Variants in CEP128 observed in about 807,000 individuals in gnomAD.
CEP128 encodes centrosomal protein 128, also known as centrosomal protein 128kDa.
In CEP128, 132 loss-of-function variants were observed where a neutral mutation model predicts 156.7. The ratio of observed to expected loss-of-function variants is 0.84; its 90% confidence interval spans 0.73 to 0.97. The LOEUF is 0.97. Among genes scored for constraint, CEP128 ranks in the 50% least tolerant of loss-of-function variants. The probability of loss-of-function intolerance (pLI) is 0.00; values close to 1 mark genes in which losing one functional copy is unlikely to be tolerated. For missense variants in CEP128, 1,252 were observed against 1,281.9 expected (o/e 0.98, Z 0.36); for synonymous variants, 469 against 448.9 (o/e 1.04, Z -0.57).
chr14:80,593,132 A>T (rs1044209555), intron 19 of CEP128, among the ~76,000 whole-genome samples: 8 of 152,206 alleles, frequency 5.3e-5, no homozygotes, highest in African/African-American at 1.9e-4. Flanking sequence ...TCAACATAGT[A>T]TTGGAAGTTC....
At chr14:80,933,258 C>T (rs1357011156) in intron 2 of CEP128, among the ~76,000 whole-genome samples, 2 of 152,162 alleles carry the variant, frequency 1.3e-5, no homozygotes, top group African/African-American at 2.4e-5. Flanking sequence ...TCCCCAGCAA[C>T]TGTGGATCAG....
chr14:80,909,592 C>G (rs532487269), intron 4 of CEP128, among the ~76,000 whole-genome samples: 1 of 152,024 alleles, frequency 6.6e-6, no homozygotes, highest in African/African-American at 2.4e-5. Flanking sequence ...AATAAAATTA[C>G]GTTATGTAAA....
intron 21 of CEP128, among the ~76,000 whole-genome samples, chr14:80,545,117 T>C (rs900792391): frequency 3.4e-4 from 52 of 152,322 alleles, no homozygotes; most frequent in African/African-American, 1.1e-3. Flanking sequence ...TTCTCCTCCC[T>C]GTGAGCCTAC....
At chr14:80,489,833 C>T (rs1887263195), downstream of CEP128, among the ~76,000 whole-genome samples, 1 of 151,388 alleles carries the variant, frequency 6.6e-6, no homozygotes, top group Non-Finnish European at 1.5e-5. Flanking sequence ...TTACCACCTC[C>T]TGACCAGGGT....
At chr14:80,613,143 A>G (rs1027460916) in intron 19 of CEP128, among the ~76,000 whole-genome samples, 6 of 151,278 alleles carry the variant, frequency 4.0e-5, no homozygotes, top group African/African-American at 1.5e-4. Flanking sequence ...GGAATGAGCC[A>G]CCACGCCCGG....
chr14:80,562,607 C>T (rs1489441807), intron 20 of CEP128, among the ~76,000 whole-genome samples: 1 of 149,090 alleles, frequency 6.7e-6, no homozygotes, highest in Non-Finnish European at 1.5e-5. Flanking sequence ...TACTGTGTAT[C>T]ATTATTCTCA....
intron 22 of CEP128, among the ~76,000 whole-genome samples, chr14:80,527,730 C>G (rs899865556): frequency 6.6e-6 from 1 of 152,168 alleles, no homozygotes; most frequent in African/African-American, 2.4e-5. Context: ...TTTTACTTCA[C>G]TTATCCATAA....
chr14:80,726,793 G>T (rs1458726262), intron 19 of CEP128, among the ~76,000 whole-genome samples: 1 of 152,048 alleles, frequency 6.6e-6, no homozygotes, highest in Admixed American at 6.6e-5. Flanking sequence ...CAAGGAAAAA[G>T]AATTTTAAAA....
chr14:80,932,784 C>T (rs8007137), intron 2 of CEP128, among the ~76,000 whole-genome samples: 2 of 152,100 alleles, frequency 1.3e-5, no homozygotes, highest in Non-Finnish European at 2.9e-5. Flanking sequence ...CATCCCAAAA[C>T]CATCCTTCTC....
At chr14:80,534,702 G>A (rs1212446157) in intron 21 of CEP128, among the ~76,000 whole-genome samples, 1 of 151,898 alleles carries the variant, frequency 6.6e-6, no homozygotes. Flanking sequence ...GCGGGCACCT[G>A]TAGTCCCAGC....
intron 14 of CEP128, among the ~76,000 whole-genome samples, chr14:80,787,445 C>T (rs1196030422): frequency 1.3e-5 from 2 of 152,042 alleles, no homozygotes; most frequent in African/African-American, 4.8e-5. Flanking sequence ...CTGACGTCCC[C>T]TTCTCTCAAT....
At chr14:80,828,185 G>A (rs1470726139) in intron 13 of CEP128, among the ~76,000 whole-genome samples, 31 of 145,414 alleles carry the variant, frequency 2.1e-4, no homozygotes, top group African/African-American at 8.0e-4. Context: ...GTGCAGTGGT[G>A]CGATCTCGGC....
At chr14:80,884,177 C>G (rs1433514886) in intron 8 of CEP128, among the ~76,000 whole-genome samples, 1 of 152,142 alleles carries the variant, frequency 6.6e-6, no homozygotes, top group Non-Finnish European at 1.5e-5. Flanking sequence ...GCAAAGATTT[C>G]TTGAGTAATA....
intron 19 of CEP128, among the ~76,000 whole-genome samples, chr14:80,677,307 C>T (rs922788808): frequency 6.6e-6 from 1 of 151,920 alleles, no homozygotes; most frequent in African/African-American, 2.4e-5. Context: ...GTTAGGAGTT[C>T]AAGACCAGCC....
At chr14:80,726,444 C>A (rs1245086091) in intron 19 of CEP128, among the ~76,000 whole-genome samples, 2 of 152,164 alleles carry the variant, frequency 1.3e-5, no homozygotes, top group Admixed American at 1.3e-4. Flanking sequence ...AAAACATGCA[C>A]CCACATATAT....
chr14:80,671,645 T>C (rs918630248), intron 19 of CEP128, among the ~76,000 whole-genome samples: 40 of 152,122 alleles, frequency 2.6e-4, no homozygotes, highest in African/African-American at 9.7e-4. Context: ...AATCTACTAA[T>C]AACAGACACA....
intron 19 of CEP128, among the ~76,000 whole-genome samples, chr14:80,612,780 T>A (rs1414573708): frequency 6.6e-6 from 1 of 152,190 alleles, no homozygotes; most frequent in Non-Finnish European, 1.5e-5. Flanking sequence ...ATAGGTCCAA[T>A]TACATTTTAA....
chr14:80,540,196 C>CCCT (rs1889681853), intron 21 of CEP128, among the ~76,000 whole-genome samples: 1 of 95,730 alleles, frequency 1.0e-5, no homozygotes, highest in African/African-American at 4.7e-5. Context: ...CCTGTTCTTA[C>CCCT]ACCCCCCCCC....
At chr14:80,647,083 A>G (rs1894686223) in intron 19 of CEP128, among the ~76,000 whole-genome samples, 1 of 106,972 alleles carries the variant, frequency 9.3e-6, no homozygotes, top group Non-Finnish European at 1.9e-5. Flanking sequence ...ATATATATAT[A>G]TATACACCCT....
Sources: gnomAD v4.1 joint callset for allele counts (sites outside exome capture counted in the v4.1 genomes callset) on GRCh38, gnomAD v4.1.1 for gene constraint, MANE v1.5 for transcripts, NCBI Gene and HGNC (gene_info 2026-07-23, HGNC 2026-07-21) for gene names.